PAQR8: variants seen among roughly 807,000 people sequenced by gnomAD.
PAQR8 encodes progestin and adipoQ receptor family member 8.
In PAQR8, 17 loss-of-function variants were observed where a neutral mutation model predicts 25.2. The observed-to-expected ratio is 0.67, with a 90% CI of 0.46 to 1.01. The LOEUF is 1.01. PAQR8 is among the 50% of genes least tolerant of loss of function. The pLI, the probability that PAQR8 is intolerant of heterozygous loss-of-function variation, is 0.00. For synonymous variants in PAQR8, 204 were observed against 190.6 expected (o/e 1.07, Z -0.58); for missense variants, 392 against 448.4 (o/e 0.87, Z 1.14).
At chr6:52,363,268 T>C (rs1289481834) in intron 1 of PAQR8, among the ~76,000 whole-genome samples, 1 of 152,172 alleles carries the variant, frequency 6.6e-6, no homozygotes, top group Non-Finnish European at 1.5e-5. Context: ...CTCCAGGCAC[T>C]GGCAGACTAG....
At position 52,403,147 on chromosome 6, in the gene PAQR8, C is replaced by G. The variant is rs1033935772; in HGVS notation, c.-52-15C>G. ...TCTCACTGCGGCTTTGCCAATTTTC[C>G]TTTCTTTTCTGCAGGTTGCATACCC... On this transcript the variant is annotated splice_polypyrimidine_tract_variant and intron_variant, in intron 1 of 1. Coordinates refer to ENST00000442253, the MANE Select transcript of PAQR8 (RefSeq NM_133367.5). 1.4e-6 allele frequency: 2 copies of G among 1,408,112 alleles called. No individual in the cohort carries two copies. The highest frequency in any genetic ancestry group is 1.9e-6 in the Non-Finnish European group (2 of 1,049,052). 87.2% of individuals were successfully genotyped at this position (1,408,112 alleles called of 1,614,324 possible). A position where few individuals can be genotyped will look rare whatever the true frequency, so the allele number is the denominator to read the frequency against.
chr6:52,363,778 C>A (rs923070295), intron 1 of PAQR8, among the ~76,000 whole-genome samples: 1 of 152,192 alleles, frequency 6.6e-6, no homozygotes, highest in Non-Finnish European at 1.5e-5. Flanking sequence ...AGCTGCTGCA[C>A]CCTTGACCAG....
At position 52,403,597 on chromosome 6, in the gene PAQR8, G is replaced by A. The variant is rs1419108146; in HGVS notation, c.384G>A (p.Leu128=). 3 of 1,613,962 alleles carry A rather than the reference G, an allele frequency of 1.9e-6. No individual in the cohort carries two copies. The highest frequency in any genetic ancestry group is 3.3e-5 in the Admixed American group (2 of 60,000). ...SSITYLTCSL[L]AHLLQSKSEL... is the part of the protein sequence containing the mutation. ...TCACTTACCTCACCTGCAGCCTTCT[G>A]GCCCACCTGCTGCAGTCCAAGTCAG... Residue 128 remains leucine, a synonymous_variant, in exon 2 of 2, where the codon CTG becomes CTA. Coordinates refer to ENST00000442253, the MANE Select transcript of PAQR8 (RefSeq NM_133367.5).
chr6:52,390,847 T>C (rs1763698618), intron 1 of PAQR8, among the ~76,000 whole-genome samples: 1 of 152,214 alleles, frequency 6.6e-6, no homozygotes, highest in South Asian at 2.1e-4. Context: ...TCCTTTATAA[T>C]GCTGGGGTGT....
chr6:52,367,145 C>G (rs186276187), intron 1 of PAQR8, among the ~76,000 whole-genome samples: 8 of 152,148 alleles, frequency 5.3e-5, no homozygotes, highest in Admixed American at 2.6e-4. Flanking sequence ...GATTGTCATA[C>G]CTGGAGGGGG....
intron 1 of PAQR8, among the ~76,000 whole-genome samples, chr6:52,384,708 A>C (rs1763609732): frequency 1.3e-5 from 2 of 152,226 alleles, no homozygotes. Context: ...TAGTGAAAGC[A>C]ATCCTAAGCA....
At chr6:52,365,005 C>T (rs1763336035) in intron 1 of PAQR8, among the ~76,000 whole-genome samples, 1 of 152,142 alleles carries the variant, frequency 6.6e-6, no homozygotes, top group African/African-American at 2.4e-5. Flanking sequence ...ATTGTTATAG[C>T]TTATGGCTTA....
At chr6:52,365,807 A>G (rs563201772) in intron 1 of PAQR8, among the ~76,000 whole-genome samples, 1 of 152,202 alleles carries the variant, frequency 6.6e-6, no homozygotes, top group Admixed American at 6.5e-5. Context: ...AAGTGGAGTC[A>G]GTGCTCCCAG....
intron 1 of PAQR8, among the ~76,000 whole-genome samples, chr6:52,365,813 C>G (rs1408820253): frequency 6.6e-6 from 1 of 152,018 alleles, no homozygotes; most frequent in Non-Finnish European, 1.5e-5. Flanking sequence ...AGTCAGTGCT[C>G]CCAGTTACTT....
Position 52,406,740 on chromosome 6 carries a change from T to A in PAQR8, c.*2462T>A, listed in dbSNP as rs1763915106. The A allele has an allele frequency of 2.5e-6, 1 of 399,812 alleles. No homozygotes were observed. Among genetic ancestry groups the A allele is most frequent in the Non-Finnish European group, 4.6e-6 (1 of 219,590 alleles). 24.8% of individuals were successfully genotyped at this position (399,812 alleles called of 1,614,324 possible). On this transcript the variant is annotated 3_prime_UTR_variant, in exon 2 of 2. Coordinates refer to ENST00000442253, the MANE Select transcript of PAQR8 (RefSeq NM_133367.5). ...ACCACACCTGGCTAATTTTTGCATTTTTTGTAGAGACAGGGTTTTGCCACG... is the reference window on the plus strand; with the variant it reads ...ACCACACCTGGCTAATTTTTGCATTATTTGTAGAGACAGGGTTTTGCCACG...
At chr6:52,386,844 G>T (rs1052777277) in intron 1 of PAQR8, among the ~76,000 whole-genome samples, 1 of 152,198 alleles carries the variant, frequency 6.6e-6, no homozygotes, top group Non-Finnish European at 1.5e-5. Context: ...TTTTTAAAAT[G>T]AAGTAATTCT....
chr6:52,402,169 G>A (rs13196722), intron 1 of PAQR8, among the ~76,000 whole-genome samples: 31,749 of 151,022 alleles, frequency 0.21, 4,006 homozygotes, highest in Non-Finnish European at 0.29. Context: ...TTCGAGACCA[G>A]CCTGGCCAAC....
At chr6:52,394,514 TC>T (rs1382222884) in intron 1 of PAQR8, among the ~76,000 whole-genome samples, 2 of 152,184 alleles carry the variant, frequency 1.3e-5, no homozygotes, top group Non-Finnish European at 2.9e-5. Flanking sequence ...TTTGATTTTT[TC>T]CAAGGCTAGT....
intron 1 of PAQR8, among the ~76,000 whole-genome samples, chr6:52,396,934 G>A (rs1763773861): frequency 6.6e-6 from 1 of 152,166 alleles, no homozygotes; most frequent in South Asian, 2.1e-4. Context: ...TTGGAAATCA[G>A]CGGATACAGG....
In PAQR8 at chr6:52,378,215, G is replaced by C. The variant is rs550404526; in HGVS notation, c.-53+15966G>C. On this transcript the variant is annotated intron_variant, in intron 1 of 1. Coordinates refer to ENST00000442253, the MANE Select transcript of PAQR8 (RefSeq NM_133367.5). ...GAGAGTAAGTGCTCAATATATGTAA[G>C]TCATTTTAGTAATTATCACTGGCAA... Among the ~76,000 whole-genome samples, 3 of 152,344 alleles carry C rather than the reference G, an allele frequency of 2.0e-5. No homozygotes were observed. In the South Asian group the frequency reaches 6.2e-4, roughly 32 times the overall value.
chr6:52,379,619 CTTTTTT>C (rs909812638), intron 1 of PAQR8, among the ~76,000 whole-genome samples: 15 of 77,232 alleles, frequency 1.9e-4, no homozygotes, highest in East Asian at 4.4e-4. Context: ...ACCCAGCTTT[CTTTTTT>C]TTTTTTTTTT....
intron 1 of PAQR8, among the ~76,000 whole-genome samples, chr6:52,366,851 G>A (rs550679555): frequency 6.6e-6 from 1 of 152,076 alleles, no homozygotes; most frequent in African/African-American, 2.4e-5. Flanking sequence ...CTGGGTTCAA[G>A]CAATTATCCT....
At chr6:52,381,783 A>C (rs1339105698) in intron 1 of PAQR8, among the ~76,000 whole-genome samples, 4 of 152,120 alleles carry the variant, frequency 2.6e-5, no homozygotes, top group Non-Finnish European at 5.9e-5. Flanking sequence ...ATTTTCCTTT[A>C]TCTTTATGCA....
intron 1 of PAQR8, among the ~76,000 whole-genome samples, chr6:52,374,370 G>T (rs984346319): frequency 2.0e-5 from 3 of 151,900 alleles, no homozygotes; most frequent in Admixed American, 1.3e-4. Context: ...ATATTTACTC[G>T]CTTCTTTCCT....
Sources: allele counts gnomAD v4.1 joint callset (sites outside exome capture counted in the v4.1 genomes callset), GRCh38; gene constraint gnomAD v4.1.1; transcripts MANE v1.5; gene names NCBI Gene and HGNC (gene_info 2026-07-23, HGNC 2026-07-21).